The following DPH6 variants were observed in gnomAD, a reference collection of about 807,000 sequenced individuals.
DPH6 encodes diphthine--ammonia ligase.
A neutral mutation model predicts 38.2 loss-of-function variants in DPH6; 33 were observed. The observed-to-expected ratio is 0.86, with a 90% CI of 0.65 to 1.15. The LOEUF (loss-of-function observed/expected upper bound fraction) is 1.15, where lower values mean the gene tolerates loss of function less well. Ranked by LOEUF, DPH6 falls within the 50% of genes most tolerant of loss-of-function variation. The pLI is 0.00. For missense variants in DPH6, 325 were observed against 320.0 expected (o/e 1.02, Z -0.12); for synonymous variants, 108 against 103.0 (o/e 1.05, Z -0.30).
chr15:35,227,235 G>C (rs902652681), intron 3 of DPH6, among the ~76,000 whole-genome samples: 14 of 134,962 alleles, frequency 1.0e-4, no homozygotes, highest in Non-Finnish European at 2.0e-4. Flanking sequence ...CCAGGCTGGA[G>C]TGCAGAGGCG....
chr15:35,454,457 A>T (rs2053971720), intron 4 of DPH6, among the ~76,000 whole-genome samples: 1 of 152,158 alleles, frequency 6.6e-6, no homozygotes, highest in Non-Finnish European at 1.5e-5. Flanking sequence ...GATATACTAA[A>T]TCAAATAAGA....
At chr15:35,450,388 C>A (rs1333869243) in intron 5 of DPH6, among the ~76,000 whole-genome samples, 9 of 148,630 alleles carry the variant, frequency 6.1e-5, no homozygotes, top group African/African-American at 1.5e-4. Context: ...AAATTCCAAA[C>A]CCTAAAAAAA....
At chr15:35,176,620 T>C in the DPH6 span, among the ~76,000 whole-genome samples, 325 of 152,242 alleles carry the variant, frequency 2.1e-3, 3 homozygotes, top group Admixed American at 0.012. Flanking sequence ...GACAGGCATG[T>C]GCCACCACGC....
Position 35,439,026 on chromosome 15 carries a change from A to G in DPH6, c.505+11659T>C, listed in dbSNP as rs183604537. On this transcript the variant is annotated intron_variant, in intron 5 of 8. Coordinates refer to ENST00000256538, the MANE Select transcript of DPH6 (RefSeq NM_080650.4). Reference sequence around the variant, plus strand: ...TTGAGCATTGAAATAAAAGCACAACAAAGTTTTCCTAAGGTACTAATCTGC... The same window carrying G: ...TTGAGCATTGAAATAAAAGCACAACGAAGTTTTCCTAAGGTACTAATCTGC... 2.5e-3 allele frequency among the ~76,000 whole-genome samples: 384 copies of G among 152,360 alleles called. 1 individual carries two copies. Among genetic ancestry groups the G allele is most frequent in the African/African-American group, 8.9e-3 (369 of 41,586 alleles).
At chr15:35,373,377 G>T in intron 8 of DPH6, 144 bp downstream of exon 8, 1 of 585,138 alleles carries the variant, frequency 1.7e-6, no homozygotes, top group Non-Finnish European at 2.9e-6. Flanking sequence ...CTTAGTTATT[G>T]ACTGAGGAGC....
the DPH6 span, among the ~76,000 whole-genome samples, chr15:35,168,457 T>TA: frequency 1.3e-5 from 2 of 152,052 alleles, no homozygotes; most frequent in Non-Finnish European, 2.9e-5. Flanking sequence ...ATGCTGCCTC[T>TA]AAATTTAATG....
At chr15:35,306,625 G>A (rs1027837111) in intron 3 of DPH6, among the ~76,000 whole-genome samples, 2 of 152,206 alleles carry the variant, frequency 1.3e-5, no homozygotes, top group Non-Finnish European at 2.9e-5. Context: ...TTTTGGCTTT[G>A]AATTTCATGA....
chr15:35,542,295 G>A (rs2055264154), intron 2 of DPH6, 118 bp downstream of exon 2: 1 of 781,944 alleles, frequency 1.3e-6, no homozygotes, highest in African/African-American at 1.7e-5. Flanking sequence ...CATCTAATGG[G>A]TGCTTAATAT....
At chr15:35,213,905 G>A (rs1028235331), downstream of DPH6, among the ~76,000 whole-genome samples, 6 of 152,190 alleles carry the variant, frequency 3.9e-5, no homozygotes, top group African/African-American at 9.7e-5. Context: ...AAGGTCAGGA[G>A]ATCGAGACCA....
At position 35,298,125 on chromosome 15, in the gene DPH6, A is replaced by G. The variant is rs187874534; in HGVS notation, n.200+75396T>C. ...AAAGGGATCAACCAACATATATCTT[A>G]CAAGTCCCTCCAAGAGTCTCAGTAT... On this transcript the variant is annotated intron_variant and non_coding_transcript_variant, in intron 3 of 3. Transcript: ENST00000560386. 71 of 345,888 alleles carry G rather than the reference A, an allele frequency of 2.1e-4. 1 individual carries two copies. Among genetic ancestry groups the G allele is most frequent in the African/African-American group, 1.4e-3 (64 of 46,756 alleles). 21.4% of individuals were successfully genotyped at this position (345,888 alleles called of 1,614,324 possible).
intron 8 of DPH6, 113 bp downstream of exon 8, chr15:35,373,408 T>C (rs1294741336): frequency 2.2e-6 from 2 of 928,324 alleles, no homozygotes; most frequent in Non-Finnish European, 1.5e-6. Context: ...CCACTAATGA[T>C]AAAAATCAAT....
At chr15:35,170,959 T>C in the DPH6 span, among the ~76,000 whole-genome samples, 2 of 152,206 alleles carry the variant, frequency 1.3e-5, no homozygotes, top group African/African-American at 4.8e-5. Flanking sequence ...TATAATGTTG[T>C]ATTTTTAAAT....
intron 4 of DPH6, among the ~76,000 whole-genome samples, chr15:35,453,521 C>T (rs1193215636): frequency 1.3e-5 from 2 of 152,120 alleles, no homozygotes; most frequent in Admixed American, 6.5e-5. Context: ...AAGGGATATG[C>T]AATTCATCTC....
chr15:35,381,207 T>C (rs1293769088), intron 7 of DPH6, among the ~76,000 whole-genome samples: 5 of 152,136 alleles, frequency 3.3e-5, no homozygotes, highest in Admixed American at 6.5e-5. Flanking sequence ...TCTTAGCATA[T>C]AAAGAGAGCA....
At chr15:35,204,588 G>T in the DPH6 span, among the ~76,000 whole-genome samples, 1 of 151,598 alleles carries the variant, frequency 6.6e-6, no homozygotes, top group Non-Finnish European at 1.5e-5. Flanking sequence ...CTTTTTTGAG[G>T]GGACAAGATG....
chr15:35,435,713 GA>G (rs1232202648), intron 5 of DPH6, among the ~76,000 whole-genome samples: 1 of 152,104 alleles, frequency 6.6e-6, no homozygotes, highest in Non-Finnish European at 1.5e-5. Context: ...CAAGAACCCA[GA>G]TTTTTAGCTG....
In DPH6 at chr15:35,335,538, A is replaced by C. The variant is rs2052364271; in HGVS notation, n.208-4461T>G. Among the ~76,000 whole-genome samples the C allele has an allele frequency of 3.3e-5, 5 of 152,182 alleles. 1 individual carries two copies. In the South Asian group the frequency reaches 1.0e-3, roughly 32 times the overall value. On this transcript the variant is annotated intron_variant and non_coding_transcript_variant, in intron 3 of 3. Coordinates refer to the DPH6 transcript ENST00000558973. ...TTTATAGTTTTGGGTTTTGCATTTA[A>C]GTCATTAATCCATCTTGAGTTAGTT...
At chr15:35,333,919 A>G (rs988353099) in intron 3 of DPH6, among the ~76,000 whole-genome samples, 3 of 152,216 alleles carry the variant, frequency 2.0e-5, no homozygotes, top group Non-Finnish European at 4.4e-5. Flanking sequence ...TGTGGTACAT[A>G]TACACCATGG....
At chr15:35,495,869 T>C (rs1425683711) in intron 3 of DPH6, among the ~76,000 whole-genome samples, 1 of 152,192 alleles carries the variant, frequency 6.6e-6, no homozygotes, top group East Asian at 1.9e-4. Context: ...AATTAACTTA[T>C]GGAATAGAAT....
Sources: allele counts gnomAD v4.1 joint callset (sites outside exome capture counted in the v4.1 genomes callset), GRCh38; gene constraint gnomAD v4.1.1; transcripts MANE v1.5; gene names NCBI Gene and HGNC (gene_info 2026-07-23, HGNC 2026-07-21).